KREMEN1: variants seen among roughly 807,000 people sequenced by gnomAD.
KREMEN1 encodes the protein kremen protein 1.
In KREMEN1, 30 loss-of-function variants were observed where a neutral mutation model predicts 46.5. The observed-to-expected ratio is 0.65, with a 90% confidence interval of 0.48 to 0.88. The LOEUF is 0.88. KREMEN1 is among the 40% of genes least tolerant of loss of function. KREMEN1 has a pLI of 0.00. For missense variants in KREMEN1, 533 were observed against 596.9 expected (o/e 0.89, Z 1.11); for synonymous variants, 214 against 230.6 (o/e 0.93, Z 0.65).
At chr22:29,119,147 A>C (rs2038290904) in intron 3 of KREMEN1, among the ~76,000 whole-genome samples, 1 of 152,148 alleles carries the variant, frequency 6.6e-6, no homozygotes, top group Admixed American at 6.5e-5. Context: ...TAGGAGTTCA[A>C]AACCAGCCTG....
At chr22:29,087,727 G>A (rs134642) in intron 1 of KREMEN1, among the ~76,000 whole-genome samples, 74,749 of 151,968 alleles carry the variant, frequency 0.49, 19,134 homozygotes, top group Middle Eastern at 0.61. Flanking sequence ...CAACATGCTC[G>A]GCTAATTTTG....
chr22:29,076,288 A>G (rs1601744406), intron 1 of KREMEN1, among the ~76,000 whole-genome samples: 1 of 152,194 alleles, frequency 6.6e-6, no homozygotes, highest in Non-Finnish European at 1.5e-5. Context: ...AATTTGCCCC[A>G]CTAGCCAGTA....
rs750323146 is a variant in KREMEN1, at chr22:29,131,768, GTA to G, written c.632-5561_632-5560del. Among the ~76,000 whole-genome samples, 1,141 of 123,702 alleles carry G rather than the reference GTA, an allele frequency of 9.2e-3. 29 individuals are homozygous for G. The highest frequency in any genetic ancestry group is 0.035 in the African/African-American group (924 of 26,116). The allele number at this position is 123,702 out of a possible 152,430, so 81.2% of individuals were successfully genotyped here. On this transcript the variant is annotated intron_variant, in intron 5 of 8. Coordinates refer to ENST00000400335, the MANE Select transcript of KREMEN1 (RefSeq NM_001039570.3). ...TATATGTATATATGTATATATATAT[GTA>G]TATATATATATAGTTTTGTGTTTTG...
At chr22:29,121,519 A>T (rs770380672) in intron 4 of KREMEN1, 38 bp downstream of exon 4, 5 of 1,604,960 alleles carry the variant, frequency 3.1e-6, no homozygotes, top group Non-Finnish European at 4.3e-6. Context: ...AGAAAAATAT[A>T]AAGATGTAAA....
rs1356877882 is a variant in KREMEN1, at chr22:29,142,180, G to A, written c.*68G>A. 6.8e-7 allele frequency: 1 copy of A among 1,471,164 alleles called. No homozygotes were observed. Among genetic ancestry groups the A allele is most frequent in the Non-Finnish European group, 9.0e-7 (1 of 1,112,204 alleles). 91.1% of individuals were successfully genotyped at this position (1,471,164 alleles called of 1,614,324 possible). A position where few individuals can be genotyped will look rare whatever the true frequency, so the allele number is the denominator to read the frequency against. On this transcript the variant is annotated 3_prime_UTR_variant, in exon 9 of 9. Transcript: ENST00000400335. The stretch of plus-strand genomic sequence containing the variant: ...AAGGCTGCCGTGGTCAACCTCTCCT[G>A]TGGTTCTTCTCTGACAGACTCTTCC...
intron 1 of KREMEN1, among the ~76,000 whole-genome samples, chr22:29,077,921 A>G (rs1475903181): frequency 1.3e-5 from 2 of 152,168 alleles, no homozygotes; most frequent in Admixed American, 6.5e-5. Context: ...AAAGATACGT[A>G]TGGGGAAAAG....
rs1275769803 is a variant in KREMEN1, at chr22:29,073,952, G to C, written c.97+725G>C. ...AGACCTCCAGCGACATCCCTCCCCT[G>C]GGCCAAGGTCCCCTCCCTGAGCCTC... is the stretch of plus-strand genomic sequence containing the variant. On this transcript the variant is annotated intron_variant, in intron 1 of 8. Transcript: ENST00000400335. This position sits in a 1 kb window ranked among gnomAD's most constrained non-coding sequence, Gnocchi z 4.4. Among the ~76,000 whole-genome samples the C allele has an allele frequency of 6.6e-6, 1 of 151,624 alleles. No individual in the cohort carries two copies.
intron 2 of KREMEN1, among the ~76,000 whole-genome samples, chr22:29,098,161 G>A (rs2037912246): frequency 6.6e-6 from 1 of 151,258 alleles, no homozygotes; most frequent in Non-Finnish European, 1.5e-5. Context: ...AGCTCAGCCT[G>A]GGTGACAGAT....
intron 5 of KREMEN1, among the ~76,000 whole-genome samples, chr22:29,132,837 A>G (rs542113794): frequency 1.8e-4 from 28 of 152,288 alleles, no homozygotes; most frequent in South Asian, 4.1e-4. Flanking sequence ...TTCTTTCAGT[A>G]CTTCAAAGAT....
downstream of KREMEN1, among the ~76,000 whole-genome samples, chr22:29,150,318 C>G (rs530613680): frequency 2.6e-4 from 39 of 152,288 alleles, no homozygotes; most frequent in African/African-American, 8.4e-4. Context: ...CCTGTCCCCT[C>G]CCGGTGGTGG....
downstream of KREMEN1, among the ~76,000 whole-genome samples, chr22:29,151,122 C>A (rs529151950): frequency 6.6e-6 from 1 of 152,268 alleles, no homozygotes; most frequent in African/African-American, 2.4e-5. Flanking sequence ...ATGACACAAA[C>A]CCCTTTGAGA....
chr22:29,140,191 G>A, intron 7 of KREMEN1, 91 bp from the exon 8 acceptor site: 1 of 960,184 alleles, frequency 1.0e-6, no homozygotes, highest in East Asian at 2.4e-5. Context: ...GAGCCCCTCA[G>A]CCAGACTTAC....
Position 29,143,944 on chromosome 22 carries a change from C to A in KREMEN1, c.*1832C>A. 1 of 985,408 alleles carries A rather than the reference C, an allele frequency of 1.0e-6. No individual in the cohort carries two copies. The highest frequency in any genetic ancestry group is 1.2e-6 in the Non-Finnish European group (1 of 829,928). 61.0% of individuals were successfully genotyped at this position (985,408 alleles called of 1,614,324 possible). On this transcript the variant is annotated 3_prime_UTR_variant, in exon 9 of 9. Transcript: ENST00000400335. ...TGGGAATTGGAGCTCCTCCAAGGAG[C>A]TCCTCCTAAGATTGAGTGCTGCAGC...
intron 9 of KREMEN1, among the ~76,000 whole-genome samples, chr22:29,166,003 G>A (rs770879579): frequency 6.6e-6 from 1 of 152,164 alleles, no homozygotes; most frequent in Non-Finnish European, 1.5e-5. Context: ...GACAGTGACT[G>A]GGTCAAATTT....
At chr22:29,163,169 A>G (rs132308) in intron 9 of KREMEN1, among the ~76,000 whole-genome samples, 139,259 of 152,080 alleles carry the variant, frequency 0.92, 64,003 homozygotes, top group Middle Eastern at 0.93. Flanking sequence ...TAGTGAGTGA[A>G]TGTCGCGAGA....
chr22:29,148,636 G>C (rs1297689475), downstream of KREMEN1, among the ~76,000 whole-genome samples: 1 of 151,920 alleles, frequency 6.6e-6, no homozygotes, highest in Admixed American at 6.6e-5. Flanking sequence ...TGTATTTTTA[G>C]TAGAGATGGG....
At chr22:29,074,217 G>C (rs962094748) in intron 1 of KREMEN1, among the ~76,000 whole-genome samples, 3 of 152,256 alleles carry the variant, frequency 2.0e-5, no homozygotes, top group Non-Finnish European at 2.9e-5. Context: ...CCAGACGGAC[G>C]GGACGTGCCC....
At chr22:29,166,716 A>T (rs2039055481) in intron 9 of KREMEN1, among the ~76,000 whole-genome samples, 1 of 152,168 alleles carries the variant, frequency 6.6e-6, no homozygotes, top group African/African-American at 2.4e-5. Context: ...AGGTGGAAGG[A>T]TCACTTGAGC....
At chr22:29,103,975 G>T (rs2038012012) in intron 3 of KREMEN1, among the ~76,000 whole-genome samples, 1 of 152,118 alleles carries the variant, frequency 6.6e-6, no homozygotes. Flanking sequence ...TTAAAAAAAA[G>T]TGGATTATTT....
Sources: gnomAD v4.1 joint callset for allele counts (sites outside exome capture counted in the v4.1 genomes callset) on GRCh38, gnomAD v4.1.1 for gene constraint, Gnocchi (gnomAD v3.1) non-coding constraint, MANE v1.5 for transcripts, NCBI Gene and HGNC (gene_info 2026-07-23, HGNC 2026-07-21) for gene names.